The following DOK6 variants were observed in gnomAD, a reference collection of about 807,000 sequenced individuals.
DOK6 encodes the protein docking protein 6, also known as downstream of tyrosine kinase 6.
DOK6 carries 22 observed loss-of-function variants against 44.0 expected under a neutral mutation model. The ratio of observed to expected loss-of-function variants is 0.50; its 90% CI spans 0.36 to 0.71. The LOEUF (loss-of-function observed/expected upper bound fraction) is 0.71. Among genes scored for constraint, DOK6 ranks in the 30% least tolerant of loss-of-function variants. DOK6 has a pLI of 0.00. For synonymous variants in DOK6, 166 were observed against 145.5 expected, an observed-to-expected ratio of 1.14 and a Z score of -1.01; for missense variants, 340 against 416.4, an observed-to-expected ratio of 0.82 and a Z score of 1.60.
chr18:69,410,822 TG>T (rs1313433865), intron 1 of DOK6, among the ~76,000 whole-genome samples: 1 of 152,202 alleles, frequency 6.6e-6, no homozygotes, highest in Non-Finnish European at 1.5e-5. Context: ...AATGCAATCA[TG>T]ATTTTCCCAA....
intron 1 of DOK6, among the ~76,000 whole-genome samples, chr18:69,406,117 T>C (rs995106956): frequency 1.3e-5 from 2 of 152,252 alleles, no homozygotes; most frequent in Non-Finnish European, 2.9e-5. Context: ...TTCCTTACGC[T>C]GTGTGTAGAT....
At chr18:69,434,950 G>GGAAGGAAGGAAGGAA (rs1555701464) in intron 1 of DOK6, among the ~76,000 whole-genome samples, 6 of 76,024 alleles carry the variant, frequency 7.9e-5, no homozygotes, top group Non-Finnish European at 1.9e-4. Flanking sequence ...GAGGGAGGGA[G>GGAAGGAAGGAAGGAA]GGAGGGAAGG....
At chr18:69,711,860 A>G (rs1016288765) in intron 5 of DOK6, among the ~76,000 whole-genome samples, 2 of 152,196 alleles carry the variant, frequency 1.3e-5, no homozygotes, top group Non-Finnish European at 2.9e-5. Context: ...AGGCGAAACC[A>G]TTCGTGGCAG....
intron 7 of DOK6, among the ~76,000 whole-genome samples, chr18:69,832,189 G>C (rs1242812448): frequency 6.6e-6 from 1 of 152,032 alleles, no homozygotes; most frequent in Non-Finnish European, 1.5e-5. Flanking sequence ...GCCCTTATTT[G>C]GTTGAGATAT....
intron 7 of DOK6, among the ~76,000 whole-genome samples, chr18:69,784,383 A>T (rs746891239): frequency 6.6e-6 from 1 of 151,924 alleles, no homozygotes; most frequent in Non-Finnish European, 1.5e-5. Context: ...CTTGCCCTAG[A>T]CAAAACATCA....
At chr18:69,475,259 T>C (rs1487892275) in intron 1 of DOK6, among the ~76,000 whole-genome samples, 1 of 152,118 alleles carries the variant, frequency 6.6e-6, no homozygotes, top group African/African-American at 2.4e-5. Context: ...CAGAGTAAAG[T>C]TGGAAAAACA....
Position 69,777,059 on chromosome 18 carries a change from G to A in DOK6, c.856+19186G>A, listed in dbSNP as rs370374896. Among the ~76,000 whole-genome samples the A allele has an allele frequency of 1.3e-4, 19 of 151,078 alleles. 1 individual carries two copies. The East Asian group carries it at 2.1e-3, about 17-fold the overall frequency. ...CTAATGCTAAATGACGAGTTAATGGGTGCAGCACACCAGCATGGCACATGT... is the reference window on the plus strand; with the variant it reads ...CTAATGCTAAATGACGAGTTAATGGATGCAGCACACCAGCATGGCACATGT... On this transcript the variant is annotated intron_variant, in intron 7 of 7. Transcript: ENST00000382713.
Position 69,677,748 on chromosome 18 carries a change from G to A in DOK6, c.304G>A (p.Glu102Lys), listed in dbSNP as rs572815383. The change falls in exon 4 of 8, where the codon GAG becomes AAG. Residue 102 changes from glutamate (E) to lysine (K), a missense_variant. Transcript: ENST00000382713. ...FACESELEAE[E>K]WCKHLCMECL... ...GTTACTTTCAGAGCTGGAGGCCGAG[G>A]AGTGGTGCAAGCACCTCTGCATGGA... is the stretch of plus-strand genomic sequence containing the variant. 2 of 1,613,664 alleles carry A rather than the reference G, an allele frequency of 1.2e-6. No individual in the cohort carries two copies. Among genetic ancestry groups the A allele is most frequent in the Admixed American group, 1.7e-5 (1 of 60,014 alleles).
intron 1 of DOK6, among the ~76,000 whole-genome samples, chr18:69,440,822 A>G (rs997782079): frequency 8.5e-5 from 13 of 152,056 alleles, no homozygotes; most frequent in Non-Finnish European, 1.3e-4. Context: ...CAAAAAAATA[A>G]TGGTCGATTT....
intron 4 of DOK6, among the ~76,000 whole-genome samples, chr18:69,696,346 T>C (rs1986389232): frequency 6.6e-6 from 1 of 152,202 alleles, no homozygotes; most frequent in African/African-American, 2.4e-5. Context: ...TTTTTAAACA[T>C]TCTATGTTTT....
At chr18:69,415,256 A>G (rs1473522234) in intron 1 of DOK6, among the ~76,000 whole-genome samples, 6 of 152,126 alleles carry the variant, frequency 3.9e-5, no homozygotes, top group Admixed American at 2.6e-4. Context: ...GAGTCTTCCA[A>G]TGTATGTAAT....
chr18:69,609,401 T>A (rs1193990794), intron 3 of DOK6, among the ~76,000 whole-genome samples: 2 of 151,926 alleles, frequency 1.3e-5, no homozygotes, highest in African/African-American at 4.8e-5. Flanking sequence ...GCTCTGAACA[T>A]AACAAATCAT....
chr18:69,522,879 C>A (rs1981726618), intron 1 of DOK6, among the ~76,000 whole-genome samples: 1 of 152,072 alleles, frequency 6.6e-6, no homozygotes, highest in African/African-American at 2.4e-5. Context: ...ATTTTCCAGT[C>A]TCCTTGCTTC....
chr18:69,546,611 T>C (rs1982411604), intron 1 of DOK6, among the ~76,000 whole-genome samples: 1 of 151,718 alleles, frequency 6.6e-6, no homozygotes, highest in Non-Finnish European at 1.5e-5. Flanking sequence ...CCAAGTTATA[T>C]GCTCTTTGCC....
chr18:69,719,186 C>T (rs530215488), intron 5 of DOK6, among the ~76,000 whole-genome samples: 14 of 152,194 alleles, frequency 9.2e-5, no homozygotes, highest in African/African-American at 2.9e-4. Context: ...CCAAGAGTTC[C>T]GAAGCTAGGG....
chr18:69,670,530 A>G (rs1244747961), intron 3 of DOK6, among the ~76,000 whole-genome samples: 2 of 84,524 alleles, frequency 2.4e-5, no homozygotes, highest in East Asian at 8.2e-4. Flanking sequence ...TTTTTTTTTG[A>G]GTCAGAGTCT....
chr18:69,506,787 T>C (rs1027350452), intron 1 of DOK6, among the ~76,000 whole-genome samples: 1 of 152,018 alleles, frequency 6.6e-6, no homozygotes, highest in Non-Finnish European at 1.5e-5. Context: ...GTATGGTGTG[T>C]GTACATTCAG....
At chr18:69,585,062 T>C (rs1378055188) in intron 2 of DOK6, among the ~76,000 whole-genome samples, 1 of 151,932 alleles carries the variant, frequency 6.6e-6, no homozygotes, top group Admixed American at 6.6e-5. Context: ...TATGTCTTTC[T>C]TTATGGAAAT....
intron 2 of DOK6, among the ~76,000 whole-genome samples, chr18:69,589,362 T>A (rs72967501): frequency 0.11 from 16,825 of 152,004 alleles, 1,069 homozygotes; most frequent in East Asian, 0.26. Flanking sequence ...TTGACTTAAT[T>A]AAAACAACCA....
Sources: allele counts gnomAD v4.1 joint callset (sites outside exome capture counted in the v4.1 genomes callset), GRCh38; gene constraint gnomAD v4.1.1; transcripts MANE v1.5; gene names NCBI Gene and HGNC (gene_info 2026-07-23, HGNC 2026-07-21).